SENP2: variants seen among roughly 807,000 people sequenced by gnomAD.
SENP2 encodes the protein SUMO specific peptidase 2, also known as sentrin-specific protease 2.
A neutral mutation model predicts 86.3 loss-of-function variants in SENP2; 16 were observed. The observed-to-expected ratio is 0.19, with a 90% CI of 0.13 to 0.28. SENP2 has a LOEUF of 0.28. Ranked by LOEUF, SENP2 falls within the 10% of genes least tolerant of loss-of-function variation. The pLI is 1.00. For missense variants in SENP2, 552 were observed against 703.0 expected (o/e 0.79, Z 2.43); for synonymous variants, 222 against 238.7 (o/e 0.93, Z 0.64).
intron 2 of SENP2, among the ~76,000 whole-genome samples, chr3:185,591,470 G>A (rs2148980145): frequency 6.6e-6 from 1 of 151,480 alleles, no homozygotes; most frequent in Middle Eastern, 3.5e-3. Context: ...TCCTGCCTCA[G>A]CCTCCTGAGT....
intron 14 of SENP2, 93 bp from the exon 15 acceptor site, chr3:185,623,904 CA>C (rs1328637171): frequency 3.8e-6 from 2 of 521,266 alleles, no homozygotes; most frequent in Non-Finnish European, 6.6e-6. Flanking sequence ...TTGAGAATGG[CA>C]TATCTGTTTA....
At chr3:185,596,654 T>C (rs570266799) in intron 2 of SENP2, among the ~76,000 whole-genome samples, 3 of 152,082 alleles carry the variant, frequency 2.0e-5, no homozygotes, top group Admixed American at 2.0e-4. Context: ...TTTTATACTT[T>C]ACTTAGCCAA....
chr3:185,626,212 T>A, intron 15 of SENP2, 86 bp from the exon 16 acceptor site: 1 of 811,046 alleles, frequency 1.2e-6, no homozygotes, highest in Non-Finnish European at 2.0e-6. Flanking sequence ...TAATATTGTT[T>A]ACAGCAATAT....
chr3:185,625,700 A>G (rs1712113794), intron 15 of SENP2, among the ~76,000 whole-genome samples: 1 of 152,208 alleles, frequency 6.6e-6, no homozygotes, highest in South Asian at 2.1e-4. Context: ...GTTAAAGCCT[A>G]TCCAGAACTT....
intron 9 of SENP2, 72 bp from the exon 10 acceptor site, chr3:185,613,273 T>C (rs1278135063): frequency 5.6e-6 from 5 of 894,942 alleles, no homozygotes; most frequent in Non-Finnish European, 9.0e-6. Context: ...CGAAATCTTA[T>C]TTCTAAAACT....
chr3:185,625,267 A>G (rs1365183825), intron 15 of SENP2, among the ~76,000 whole-genome samples: 1 of 151,868 alleles, frequency 6.6e-6, no homozygotes, highest in East Asian at 1.9e-4. Flanking sequence ...GCCTGCCACC[A>G]CGCCTGGCTA....
At position 185,598,561 on chromosome 3, in the gene SENP2, A is replaced by G. The variant is rs768644747; in HGVS notation, c.291+16A>G. The G allele has an allele frequency of 1.9e-6, 3 of 1,611,084 alleles. No individual in the cohort carries two copies. In the African/African-American group the frequency reaches 4.0e-5, roughly 22 times the overall value. Reference sequence around the variant, plus strand: ...TTCAGGAGAGGTCAGTGGGGATGAGACTCCATTAGGAATACTGATCTTTAT... The same window carrying G: ...TTCAGGAGAGGTCAGTGGGGATGAGGCTCCATTAGGAATACTGATCTTTAT... On this transcript the variant is annotated intron_variant, in intron 3 of 16. Transcript: ENST00000296257.
intron 2 of SENP2, among the ~76,000 whole-genome samples, chr3:185,591,675 T>C (rs1186423603): frequency 6.6e-6 from 1 of 152,078 alleles, no homozygotes; most frequent in Non-Finnish European, 1.5e-5. Flanking sequence ...GGAGGAAATG[T>C]TGTAAATGTT....
intron 3 of SENP2, 113 bp downstream of exon 3, chr3:185,598,658 T>C: frequency 9.1e-7 from 1 of 1,094,598 alleles, no homozygotes; most frequent in Non-Finnish European, 1.3e-6. Context: ...TCCAGAAATA[T>C]CTGTATCTTT....
chr3:185,611,870 C>A, intron 8 of SENP2, 125 bp downstream of exon 8: 1 of 733,958 alleles, frequency 1.4e-6, no homozygotes, highest in Non-Finnish European at 2.2e-6. Flanking sequence ...AATCTCACAG[C>A]ATTGGGCCGG....
At chr3:185,624,164 C>T (rs552033837) in intron 15 of SENP2, 82 bp downstream of exon 15, 39 of 830,028 alleles carry the variant, frequency 4.7e-5, no homozygotes, top group African/African-American at 4.5e-4. Flanking sequence ...CCTTCCTGCC[C>T]TTCCTCCCTC....
At chr3:185,611,581 C>A in intron 7 of SENP2, 70 bp from the exon 8 acceptor site, 2 of 938,518 alleles carry the variant, frequency 2.1e-6, no homozygotes, top group Non-Finnish European at 3.4e-6. Context: ...GCTTGCTGGA[C>A]AGAGATAATG....
rs1266472332 is a variant in SENP2 at position 185,609,229 on chromosome 3, A to G, written c.619-18A>G. On this transcript the variant is annotated intron_variant, in intron 6 of 16. Transcript: ENST00000296257. ...TTTAATGTGCTGGTACTTATCTAAC[A>G]TGCTTTCTTTTATTTAGGGTGTTCA... 3 of 1,565,726 alleles carry G rather than the reference A, an allele frequency of 1.9e-6. No individual in the cohort carries two copies. Among genetic ancestry groups the G allele is most frequent in the African/African-American group, 2.7e-5 (2 of 73,842 alleles).
At chr3:185,621,937 T>A in intron 14 of SENP2, 32 bp downstream of exon 14, 1 of 1,398,930 alleles carries the variant, frequency 7.1e-7, no homozygotes, top group Non-Finnish European at 1.0e-6. Context: ...CACTACCCCC[T>A]GTTGAGGTGA....
chr3:185,599,815 T>G (rs1722286638), intron 4 of SENP2, among the ~76,000 whole-genome samples: 1 of 150,896 alleles, frequency 6.6e-6, no homozygotes, highest in Non-Finnish European at 1.5e-5. Context: ...CTTTCTTTTT[T>G]TTTTTTTTTT....
At chr3:185,607,319 CTTTTTTTTTTTTTTT>C (rs758884593) in intron 6 of SENP2, among the ~76,000 whole-genome samples, 6 of 66,008 alleles carry the variant, frequency 9.1e-5, no homozygotes, top group Admixed American at 1.7e-4. Flanking sequence ...AGATTAGATT[CTTTTTTTTTTTTTTT>C]TTTTTTTTTT....
At chr3:185,595,582 A>G (rs1387935022) in intron 2 of SENP2, among the ~76,000 whole-genome samples, 2 of 152,188 alleles carry the variant, frequency 1.3e-5, no homozygotes, top group Non-Finnish European at 2.9e-5. Context: ...ATTGCAGTCT[A>G]TCTTTCTCTA....
chr3:185,607,313 T>C (rs2148987630), intron 6 of SENP2, among the ~76,000 whole-genome samples: 3 of 147,784 alleles, frequency 2.0e-5, no homozygotes, highest in East Asian at 4.0e-4. Context: ...GAGATAAGAT[T>C]AGATTCTTTT....
intron 2 of SENP2, among the ~76,000 whole-genome samples, chr3:185,590,946 G>GCT (rs202228329): frequency 2.3e-5 from 2 of 87,816 alleles, no homozygotes; most frequent in South Asian, 1.2e-3. Flanking sequence ...TTGCTCTGTC[G>GCT]CAGGCTGGAG....
Sources: allele counts gnomAD v4.1 joint callset (sites outside exome capture counted in the v4.1 genomes callset), GRCh38; gene constraint gnomAD v4.1.1; transcripts MANE v1.5; gene names NCBI Gene and HGNC (gene_info 2026-07-23, HGNC 2026-07-21).